TRIM4: variants seen among roughly 807,000 people sequenced by gnomAD.
TRIM4 encodes tripartite motif containing 4.
Under a neutral mutation model 33.7 loss-of-function variants are expected in TRIM4, and 29 were observed. The observed-to-expected ratio is 0.86, with a 90% CI of 0.64 to 1.17. The LOEUF is 1.17. Ranked by LOEUF, TRIM4 falls within the 50% of genes most tolerant of loss-of-function variation. The probability of loss-of-function intolerance (pLI) is 0.00; values close to 1 mark genes in which losing one functional copy is unlikely to be tolerated. For synonymous variants in TRIM4, 224 were observed against 233.0 expected (o/e 0.96, Z 0.35); for missense variants, 554 against 593.7 (o/e 0.93, Z 0.69).
chr7:99,914,127 T>C (rs1475140693), intron 1 of TRIM4, among the ~76,000 whole-genome samples: 3 of 152,220 alleles, frequency 2.0e-5, no homozygotes, highest in South Asian at 4.1e-4. Context: ...CCATCATCTT[T>C]TGTCTGACAA....
chr7:99,913,038 A>ATAT (rs1819480046), intron 1 of TRIM4, among the ~76,000 whole-genome samples: 1 of 152,218 alleles, frequency 6.6e-6, no homozygotes, highest in Admixed American at 6.5e-5. Flanking sequence ...AATGAGATAT[A>ATAT]TATTAGTTCC....
At chr7:99,918,934 C>A in intron 1 of TRIM4, 75 bp downstream of exon 1, 1 of 1,478,522 alleles carries the variant, frequency 6.8e-7, no homozygotes, top group Non-Finnish European at 9.0e-7. Flanking sequence ...CTTCGTGGCT[C>A]TTTTAGGAGC....
Position 99,892,666 on chromosome 7 carries a change from A to C in TRIM4, c.922T>G (p.Ser308Ala), listed in dbSNP as rs1818920974. The change falls in exon 6 of 6, where the codon TCA (serine) becomes GCA (alanine). Residue 308 changes from serine to alanine, a missense_variant. Transcript: ENST00000349062. ...QEGRYVKNTA[S>A]ASSWPVFSSA... ...GAAAACACTGGCCAAGAACTGGCTG[A>C]TGCTGTATTTTTCACGTATCTCCCT... 1 of 1,614,056 alleles carries C rather than the reference A, an allele frequency of 6.2e-7. No homozygotes were observed. The highest frequency in any genetic ancestry group is 1.3e-5 in the African/African-American group (1 of 74,938).
chr7:99,898,802 T>C (rs1317185400), intron 5 of TRIM4, among the ~76,000 whole-genome samples: 3 of 152,206 alleles, frequency 2.0e-5, no homozygotes, highest in Non-Finnish European at 4.4e-5. Flanking sequence ...CCAAATGTTG[T>C]GTATATATCC....
At chr7:99,898,333 T>A (rs1025095861) in intron 5 of TRIM4, among the ~76,000 whole-genome samples, 1 of 152,182 alleles carries the variant, frequency 6.6e-6, no homozygotes. Context: ...TAATAGCATG[T>A]CACAAGCTAA....
At position 99,909,631 on chromosome 7, in the gene TRIM4, G is replaced by T; in HGVS notation, c.423C>A (p.Leu141=). The T allele has an allele frequency of 6.2e-7, 1 of 1,613,268 alleles. No individual in the cohort carries two copies. Among genetic ancestry groups the T allele is most frequent in the Non-Finnish European group, 8.5e-7 (1 of 1,179,908 alleles). Residue 141 remains leucine (L), a synonymous_variant, in exon 2 of 6, where the codon CTC becomes CTA. Coordinates refer to ENST00000349062, the MANE Select transcript of TRIM4 (RefSeq NM_033091.3). ...REKLLKSQRN[L]VAKMKKVMHL... is the part of the protein sequence containing the mutation. The stretch of plus-strand genomic sequence containing the variant: ...GCATGACTTTCTTCATCTTGGCCAC[G>T]AGATTACGCTGAGACTTAAGAAGTT...
chr7:99,907,298 CG>C (rs541900988), intron 3 of TRIM4, among the ~76,000 whole-genome samples: 128 of 152,182 alleles, frequency 8.4e-4, no homozygotes, highest in African/African-American at 3.0e-3. Context: ...TTAGTAGAGA[CG>C]GGGTTTCACC....
Position 99,892,387 on chromosome 7 carries a change from A to G in TRIM4, c.1201T>C (p.Trp401Arg). 3 of 1,614,138 alleles carry G rather than the reference A, an allele frequency of 1.9e-6. No individual in the cohort carries two copies. The highest frequency in any genetic ancestry group is 2.5e-6 in the Non-Finnish European group (3 of 1,180,014). Residue 401 changes from tryptophan to arginine, a missense_variant, in exon 6 of 6, where the codon TGG (tryptophan) becomes CGG (arginine). Around this residue, in one of 3 missense-constraint regions of TRIM4, gnomAD observed 290 missense variants for 335.8 expected, o/e 0.86. Coordinates refer to ENST00000349062, the MANE Select transcript of TRIM4 (RefSeq NM_033091.3). ...WAIYWSAAGY[W>R]PLIGFPGTPT... Reference sequence around the variant, plus strand: ...GTTCCAGGGAAGCCTATCAAGGGCCAATAGCCAGCAGCACTCCAATAAATC... The same window carrying G: ...GTTCCAGGGAAGCCTATCAAGGGCCGATAGCCAGCAGCACTCCAATAAATC...
chr7:99,904,494 TA>T (rs1032835062), intron 3 of TRIM4, among the ~76,000 whole-genome samples: 1 of 151,994 alleles, frequency 6.6e-6, no homozygotes, highest in African/African-American at 2.4e-5. Flanking sequence ...GAATACTAGG[TA>T]AAAACTGAGG....
intron 5 of TRIM4, among the ~76,000 whole-genome samples, chr7:99,899,214 A>T (rs1819097470): frequency 6.6e-6 from 1 of 152,186 alleles, no homozygotes; most frequent in Admixed American, 6.5e-5. Context: ...CCTCATCTAT[A>T]AAGGCCATGT....
chr7:99,892,817 TC>T, intron 5 of TRIM4, 71 bp from the exon 6 acceptor site: 1 of 1,311,160 alleles, frequency 7.6e-7, no homozygotes, highest in Non-Finnish European at 1.0e-6. Context: ...GCCCATCTTT[TC>T]CAGCATCAGT....
intron 1 of TRIM4, among the ~76,000 whole-genome samples, chr7:99,912,997 C>CA (rs1460532364): frequency 6.6e-6 from 1 of 152,170 alleles, no homozygotes; most frequent in Non-Finnish European, 1.5e-5. Flanking sequence ...GCTTTGTGGT[C>CA]ACTGTCAAAT....
intron 1 of TRIM4, among the ~76,000 whole-genome samples, chr7:99,915,055 G>A (rs112346531): frequency 1.8e-4 from 27 of 151,960 alleles, no homozygotes; most frequent in African/African-American, 2.7e-4. Flanking sequence ...AGGGATCCTC[G>A]CGTCTCAGCC....
At chr7:99,915,124 C>A (rs1020757288) in intron 1 of TRIM4, among the ~76,000 whole-genome samples, 2 of 152,070 alleles carry the variant, frequency 1.3e-5, no homozygotes, top group Non-Finnish European at 1.5e-5. Context: ...ATAGCACTTT[C>A]TTTTTCTTTC....
chr7:99,894,360 G>A (rs991489193), intron 5 of TRIM4, among the ~76,000 whole-genome samples: 12 of 152,106 alleles, frequency 7.9e-5, no homozygotes, highest in African/African-American at 2.4e-4. Context: ...TTGGTGAAAT[G>A]TTTCACCAAG....
Position 99,908,730 on chromosome 7 carries a change from A to C in TRIM4, c.572T>G (p.Phe191Cys), listed in dbSNP as rs1464035693. ...HNFLVEEEDL[F>C]LQRLNKEEEE... ...TTCTTCTTTGTTCAATCTCTGAAGA[A>C]ACAGGTCCTCTTCTTCAACCAGGAA... Residue 191 changes from phenylalanine (F) to cysteine (C), a missense_variant, in exon 3 of 6, where the codon TTT becomes TGT. Coordinates refer to ENST00000349062, the MANE Select transcript of TRIM4 (RefSeq NM_033091.3). The C allele has an allele frequency of 6.2e-7, 1 of 1,614,196 alleles. No individual in the cohort carries two copies. Among genetic ancestry groups the C allele is most frequent in the South Asian group, 1.1e-5 (1 of 91,080 alleles).
chr7:99,905,681 T>C (rs1819285752), intron 3 of TRIM4, among the ~76,000 whole-genome samples: 1 of 152,198 alleles, frequency 6.6e-6, no homozygotes, highest in Non-Finnish European at 1.5e-5. Flanking sequence ...AAAATGTCTC[T>C]ATATAATATC....
intron 5 of TRIM4, among the ~76,000 whole-genome samples, chr7:99,902,630 T>G (rs749293313): frequency 3.3e-5 from 5 of 152,146 alleles, no homozygotes; most frequent in Non-Finnish European, 7.3e-5. Context: ...GGTGCCTCCC[T>G]GGAGATCCAA....
intron 1 of TRIM4, among the ~76,000 whole-genome samples, chr7:99,913,400 G>A (rs1819486604): frequency 6.6e-6 from 1 of 152,206 alleles, no homozygotes; most frequent in African/African-American, 2.4e-5. Flanking sequence ...TAGGTGCGGT[G>A]GCTCACGCCT....
Sources: gnomAD v4.1 joint callset for allele counts (sites outside exome capture counted in the v4.1 genomes callset) on GRCh38, gnomAD v4.1.1 for gene constraint, gnomAD v4.1.1 regional missense constraint, MANE v1.5 for transcripts, NCBI Gene and HGNC (gene_info 2026-07-23, HGNC 2026-07-21) for gene names.